PITRM1: variants seen among roughly 807,000 people sequenced by gnomAD.
The protein encoded by PITRM1 is presequence protease, mitochondrial.
PITRM1 carries 100 observed loss-of-function variants against 129.9 expected under a neutral mutation model. The observed-to-expected ratio is 0.77, with a 90% CI of 0.65 to 0.91. PITRM1 has a LOEUF of 0.91. Among genes scored for constraint, PITRM1 ranks in the 40% least tolerant of loss-of-function variants. The probability of loss-of-function intolerance (pLI) is 0.00; values close to 1 mark genes in which losing one functional copy is unlikely to be tolerated. For missense variants in PITRM1, 1,471 were observed against 1,318.3 expected, an observed-to-expected ratio of 1.12 and a Z score of -1.79; for synonymous variants, 591 against 508.8, an observed-to-expected ratio of 1.16 and a Z score of -2.17.
chr10:3,163,550 A>G (rs1207354006), intron 7 of PITRM1, 175 bp downstream of exon 7: 2 of 545,940 alleles, frequency 3.7e-6, no homozygotes, highest in East Asian at 6.6e-5. Flanking sequence ...ATCATTGTAA[A>G]TGTCCAAAAT....
chr10:3,150,380 C>T (rs1841392823), intron 15 of PITRM1, among the ~76,000 whole-genome samples: 3 of 152,150 alleles, frequency 2.0e-5, no homozygotes, highest in African/African-American at 7.2e-5. Flanking sequence ...AGATGTCAGC[C>T]TCGAGTTCCA....
At chr10:3,171,237 A>G (rs1315645905) in intron 1 of PITRM1, among the ~76,000 whole-genome samples, 1 of 151,148 alleles carries the variant, frequency 6.6e-6, no homozygotes, top group Non-Finnish European at 1.5e-5. Context: ...TGGGTCACAT[A>G]ACGTGAAACA....
At position 3,143,394 on chromosome 10, in the gene PITRM1, A is replaced by G; in HGVS notation, c.2640T>C (p.His880=). The change falls in exon 23 of 27, where the codon CAT becomes CAC. Residue 880 remains histidine, a synonymous_variant. Transcript: ENST00000224949. The part of the protein sequence containing the change: ...IRTVPYTDPD[H]ASLKILARLM... ...CCCGACCTACACCCTCCTACCTGGCATGATCTGGGTCCGTGTAGGGGACAG... is the reference window on the plus strand; with the variant it reads ...CCCGACCTACACCCTCCTACCTGGCGTGATCTGGGTCCGTGTAGGGGACAG... 6.2e-7 allele frequency: 1 copy of G among 1,601,656 alleles called. No homozygotes were observed. The highest frequency in any genetic ancestry group is 8.6e-7 in the Non-Finnish European group (1 of 1,168,636).
chr10:3,138,365 A>G (rs773672211), intron 25 of PITRM1, 28 bp from the exon 26 acceptor site: 9 of 1,526,438 alleles, frequency 5.9e-6, no homozygotes, highest in Admixed American at 5.0e-5. Context: ...GGCACGATGG[A>G]GCCGCTGCCC....
At position 3,159,979 on chromosome 10, in the gene PITRM1, G is replaced by A. The variant is rs1028780260; in HGVS notation, c.919-43C>T. The A allele has an allele frequency of 7.3e-6, 10 of 1,367,030 alleles. No individual in the cohort carries two copies. In the African/African-American group the frequency reaches 9.1e-5, roughly 12 times the overall value. The allele number at this position is 1,367,030 out of a possible 1,614,324, so 84.7% of individuals were successfully genotyped here. The stretch of plus-strand genomic sequence containing the variant: ...GTTGTGAGTAGGCACAGTGTCTGAC[G>A]GTTGTCAACTACTCTAGGTTATCTG... On this transcript the variant is annotated intron_variant, in intron 8 of 26. Coordinates refer to ENST00000224949, the MANE Select transcript of PITRM1 (RefSeq NM_014889.4).
At chr10:3,140,839 A>T in intron 23 of PITRM1, 27 bp from the exon 24 acceptor site, 1 of 1,540,154 alleles carries the variant, frequency 6.5e-7, no homozygotes, top group Non-Finnish European at 8.8e-7. Flanking sequence ...ATGCAAGTTA[A>T]TACCGTGGCT....
chr10:3,155,531 C>G, intron 14 of PITRM1, 60 bp downstream of exon 14: 1 of 1,598,416 alleles, frequency 6.3e-7, no homozygotes, highest in Non-Finnish European at 8.5e-7. Context: ...AACTCACTAA[C>G]AAGTCCACTA....
At chr10:3,143,553 G>A (rs1038462616) in intron 22 of PITRM1, 52 bp from the exon 23 acceptor site, 9 of 1,277,246 alleles carry the variant, frequency 7.0e-6, no homozygotes, top group Non-Finnish European at 1.0e-5. Context: ...CACCGCCCAC[G>A]GCACTGGGAC....
Position 3,158,138 on chromosome 10 carries a change from C to T in PITRM1, c.1152G>A (p.Thr384=), listed in dbSNP as rs752854357. 11 of 1,595,496 alleles carry T rather than the reference C, an allele frequency of 6.9e-6. No homozygotes were observed. Among genetic ancestry groups the T allele is most frequent in the Middle Eastern group, 1.7e-4 (1 of 6,038 alleles). The part of the protein sequence containing the change: ...FSPDVGYNGY[T]REAYFSVGLQ... ...GGCCGACACTAAAGTAGGCCTCCCTCGTGTAGCCATTATATCTAGAAGACA... is the reference window on the plus strand; with the variant it reads ...GGCCGACACTAAAGTAGGCCTCCCTTGTGTAGCCATTATATCTAGAAGACA... The change falls in exon 11 of 27, where the codon ACG becomes ACA. Residue 384 remains threonine (T), a synonymous_variant. Coordinates refer to ENST00000224949, the MANE Select transcript of PITRM1 (RefSeq NM_014889.4).
In PITRM1 at chr10:3,170,188, C is replaced by T. The variant is rs771134249; in HGVS notation, c.75G>A (p.Ala25=). 31 of 1,613,686 alleles carry T rather than the reference C, an allele frequency of 1.9e-5. No individual in the cohort carries two copies. The highest frequency in any genetic ancestry group is 1.3e-4 in the South Asian group (12 of 91,076). ...AAGCCCGGTTACTGTTCCATCGCCA[C>T]GCTCTGTGGTGTGCATGTCTAGATT... The part of the protein sequence containing the change: ...RLSGGHAHHR[A]WRWNSNRACE... Residue 25 remains alanine (A), a synonymous_variant, in exon 2 of 27, where the codon GCG becomes GCA. Coordinates refer to ENST00000224949, the MANE Select transcript of PITRM1 (RefSeq NM_014889.4).
rs1165755512 is a variant in PITRM1, at chr10:3,151,174, G to A, written c.1738+73C>T. ...AAAACCTCCAAGACATGACTCTACTGCTTCTGTGAGGAGTGACATTTAATT... is the reference window on the plus strand; with the variant it reads ...AAAACCTCCAAGACATGACTCTACTACTTCTGTGAGGAGTGACATTTAATT... On this transcript the variant is annotated intron_variant, in intron 15 of 26. Transcript: ENST00000224949. 4.9e-6 allele frequency: 4 copies of A among 819,528 alleles called. No homozygotes were observed. The African/African-American group carries it at 6.8e-5, about 14-fold the overall frequency. The allele number at this position is 819,528 out of a possible 1,614,324, so 50.8% of individuals were successfully genotyped here. A position where few individuals can be genotyped will look rare whatever the true frequency, so the allele number is the denominator to read the frequency against.
intron 9 of PITRM1, among the ~76,000 whole-genome samples, 199 bp from the exon 10 acceptor site, chr10:3,159,241 C>T (rs1338847910): frequency 2.6e-5 from 4 of 152,228 alleles, no homozygotes; most frequent in African/African-American, 4.8e-5. Context: ...ATCAAATTAA[C>T]TTCACTGCAC....
chr10:3,149,689 G>A lies in PITRM1; in HGVS notation c.1803C>T (p.Phe601=). 3 of 1,611,320 alleles carry A rather than the reference G, an allele frequency of 1.9e-6. No individual in the cohort carries two copies. Among genetic ancestry groups the A allele is most frequent in the Admixed American group, 3.4e-5 (2 of 59,378 alleles). ...CCTCGGGGAGTGTGTTCAGGCTGGAGAAGGCCCGGAAATACACCATGCCAT... is the reference window on the plus strand; with the variant it reads ...CCTCGGGGAGTGTGTTCAGGCTGGAAAAGGCCCGGAAATACACCATGCCAT... ...PTNGMVYFRA[F]SSLNTLPEEL... The change falls in exon 16 of 27, where the codon TTC becomes TTT. Residue 601 remains phenylalanine (F), a synonymous_variant. Transcript: ENST00000224949.
intron 1 of PITRM1, among the ~76,000 whole-genome samples, chr10:3,171,029 C>T (rs1176631472): frequency 1.3e-5 from 2 of 151,758 alleles, no homozygotes; most frequent in East Asian, 1.9e-4. Context: ...CCACACCTTA[C>T]ACTGCGGCCC....
At position 3,166,391 on chromosome 10, in the gene PITRM1, A is replaced by AGAGGAATGGCACGCTAGGGATGGC; in HGVS notation, c.267-12_267-11insGCCATCCCTAGCGTGCCATTCCTC. 1 of 1,394,882 alleles carries AGAGGAATGGCACGCTAGGGATGGC rather than the reference A, an allele frequency of 7.2e-7. No individual in the cohort carries two copies. 86.4% of individuals were successfully genotyped at this position (1,394,882 alleles called of 1,614,324 possible). A position where few individuals can be genotyped will look rare whatever the true frequency, so the allele number is the denominator to read the frequency against. On this transcript the variant is annotated splice_polypyrimidine_tract_variant and intron_variant, in intron 3 of 26. Coordinates refer to ENST00000224949, the MANE Select transcript of PITRM1 (RefSeq NM_014889.4). ...GTACGGAACTGCACGCTAGGGAAGG[A>AGAGGAATGGCACGCTAGGGATGGC]GAATGACCAGAACGCAAAAGGTTCA...
At chr10:3,141,724 A>G (rs1169552551) in intron 23 of PITRM1, 1 of 463,464 alleles carries the variant, frequency 2.2e-6, no homozygotes, top group Non-Finnish European at 4.5e-6. Flanking sequence ...CCGCTTCCAC[A>G]GACAGGCCTT....
chr10:3,169,918 C>G (rs1843196609), intron 2 of PITRM1, among the ~76,000 whole-genome samples, 186 bp downstream of exon 2: 1 of 152,236 alleles, frequency 6.6e-6, no homozygotes, highest in Non-Finnish European at 1.5e-5. Flanking sequence ...CAGGAAGGGA[C>G]TGGGGCTCAT....
At chr10:3,154,324 G>C (rs766290115) in intron 14 of PITRM1, among the ~76,000 whole-genome samples, 4 of 152,202 alleles carry the variant, frequency 2.6e-5, no homozygotes, top group Admixed American at 6.5e-5. Flanking sequence ...AGGAACGTTA[G>C]GAGCGGGGCT....
intron 4 of PITRM1, among the ~76,000 whole-genome samples, chr10:3,165,743 G>A (rs552619833): frequency 5.9e-5 from 9 of 152,094 alleles, no homozygotes; most frequent in Non-Finnish European, 1.0e-4. Context: ...ATCTGCACTC[G>A]ACGGGCACCA....
Sources: allele counts gnomAD v4.1 joint callset (sites outside exome capture counted in the v4.1 genomes callset), GRCh38; gene constraint gnomAD v4.1.1; transcripts MANE v1.5; gene names NCBI Gene and HGNC (gene_info 2026-07-23, HGNC 2026-07-21).